The following BLTP1 variants were observed in gnomAD, a reference collection of about 807,000 sequenced individuals.
The protein encoded by BLTP1 is bridge-like lipid transfer protein family member 1, also known as fragile site-associated protein.
chr4:122,255,265 C>G, the BLTP1 span: 1 of 1,601,148 alleles, frequency 6.2e-7, no homozygotes, highest in Non-Finnish European at 8.5e-7. Flanking sequence ...ATTACTCCAT[C>G]ATTGATGATG....
At chr4:122,212,164 G>A in the BLTP1 span, 1 of 561,552 alleles carries the variant, frequency 1.8e-6, no homozygotes, top group South Asian at 7.8e-5. Flanking sequence ...GCTGAACTGG[G>A]TTTTGAAGGT....
At chr4:122,299,112 A>C in the BLTP1 span, 1 of 985,050 alleles carries the variant, frequency 1.0e-6, no homozygotes, top group Non-Finnish European at 1.2e-6. Flanking sequence ...ATTGCTGTGT[A>C]GATAAATTAA....
the BLTP1 span, chr4:122,227,596 T>A: frequency 2.5e-6 from 1 of 392,906 alleles, no homozygotes; most frequent in Admixed American, 6.4e-5. Context: ...CCTATATGTC[T>A]TTCCTTTTTT....
chr4:122,270,884 C>G, the BLTP1 span: 1 of 1,213,854 alleles, frequency 8.2e-7, no homozygotes, highest in East Asian at 2.6e-5. Context: ...GCATATTTTA[C>G]TGGTTTGCTT....
At chr4:122,245,798 G>A in the BLTP1 span, among the ~76,000 whole-genome samples, 4 of 152,052 alleles carry the variant, frequency 2.6e-5, no homozygotes, top group Non-Finnish European at 5.9e-5. Context: ...GTGAAAAAAA[G>A]AAATTTGAAA....
At chr4:122,313,422 G>A in the BLTP1 span, among the ~76,000 whole-genome samples, 4 of 151,924 alleles carry the variant, frequency 2.6e-5, no homozygotes, top group African/African-American at 7.3e-5. Flanking sequence ...ATAAAATATT[G>A]TGAAATATTT....
At chr4:122,285,629 G>GA in the BLTP1 span, among the ~76,000 whole-genome samples, 5 of 151,786 alleles carry the variant, frequency 3.3e-5, no homozygotes, top group African/African-American at 7.3e-5. Flanking sequence ...TTAGTATTTT[G>GA]AAAAAAAGAG....
the BLTP1 span, chr4:122,192,319 T>G: frequency 6.2e-7 from 1 of 1,613,730 alleles, no homozygotes; most frequent in Non-Finnish European, 8.5e-7. Context: ...TGTTGGGGAC[T>G]GGATATAGTT....
chr4:122,351,384 T>G, the BLTP1 span: 6 of 211,304 alleles, frequency 2.8e-5, no homozygotes, highest in Non-Finnish European at 4.9e-5. Context: ...TAAGAAAATA[T>G]CAAAATTCAT....
the BLTP1 span, chr4:122,275,898 G>A: frequency 6.4e-6 from 9 of 1,403,340 alleles, no homozygotes; most frequent in Non-Finnish European, 8.4e-6. Context: ...TGGTCATATT[G>A]TAACTAATTT....
At chr4:122,246,389 A>G in the BLTP1 span, 2 of 1,218,608 alleles carry the variant, frequency 1.6e-6, no homozygotes, top group Admixed American at 5.2e-5. Flanking sequence ...GAATAATGGT[A>G]GAACAGTGTG....
At chr4:122,176,017 T>C in the BLTP1 span, 1 of 670,724 alleles carries the variant, frequency 1.5e-6, no homozygotes. Context: ...AGTTTAATTT[T>C]TAGGCCAGTC....
the BLTP1 span, chr4:122,347,814 A>C: frequency 6.7e-7 from 1 of 1,485,912 alleles, no homozygotes; most frequent in Non-Finnish European, 9.3e-7. Flanking sequence ...GTAGCCCTAC[A>C]GTGTTCTCAG....
At chr4:122,199,957 C>T in the BLTP1 span, 1 of 970,698 alleles carries the variant, frequency 1.0e-6, no homozygotes, top group African/African-American at 1.8e-5. Flanking sequence ...TGATTGGGGA[C>T]TCATTAATCA....
the BLTP1 span, chr4:122,185,878 C>T: frequency 7.6e-6 from 2 of 263,486 alleles, no homozygotes; most frequent in South Asian, 1.4e-4. Context: ...CTTTTTTTGG[C>T]CAGTGTTTTG....
chr4:122,227,992 CAA>C, the BLTP1 span, among the ~76,000 whole-genome samples: 1 of 151,204 alleles, frequency 6.6e-6, no homozygotes, highest in African/African-American at 2.4e-5. Context: ...CGACTCACTG[CAA>C]ACTCCGCCTC....
At chr4:122,324,582 T>C in the BLTP1 span, 1 of 1,474,132 alleles carries the variant, frequency 6.8e-7, no homozygotes, top group East Asian at 2.3e-5. Flanking sequence ...AATTGTTGAC[T>C]CTTTTACCAA....
the BLTP1 span, chr4:122,208,445 T>TAA: frequency 7.1e-6 from 7 of 982,590 alleles, no homozygotes; most frequent in Non-Finnish European, 8.5e-6. Context: ...CAAATGAAGA[T>TAA]CCTTTGATTT....
At chr4:122,169,479 CTT>C in the BLTP1 span, 2 of 243,474 alleles carry the variant, frequency 8.2e-6, no homozygotes, top group Non-Finnish European at 1.3e-5. Flanking sequence ...TTAAGTCTAG[CTT>C]TTTTTTTGCT....
Sources: allele counts gnomAD v4.1 joint callset (sites outside exome capture counted in the v4.1 genomes callset), GRCh38; gene constraint gnomAD v4.1.1; transcripts MANE v1.5; gene names NCBI Gene and HGNC (gene_info 2026-07-23, HGNC 2026-07-21).